The following ATE1 variants were observed in gnomAD, a reference collection of about 807,000 sequenced individuals.
ATE1 encodes the protein arginyltransferase 1.
ATE1 carries 36 observed loss-of-function variants against 70.5 expected under a neutral mutation model. The observed-to-expected ratio is 0.51, with a 90% CI of 0.39 to 0.67. ATE1 has a LOEUF of 0.67. ATE1 is among the 30% of genes least tolerant of loss of function. ATE1 has a pLI of 0.00. For missense variants in ATE1, 593 were observed against 629.5 expected, an observed-to-expected ratio of 0.94 and a Z score of 0.62; for synonymous variants, 232 against 219.3, an observed-to-expected ratio of 1.06 and a Z score of -0.51.
At chr10:121,923,816 A>C (rs1238113985) in intron 2 of ATE1, among the ~76,000 whole-genome samples, 2 of 152,236 alleles carry the variant, frequency 1.3e-5, no homozygotes, top group Non-Finnish European at 2.9e-5. Flanking sequence ...AGTAGGTAAC[A>C]GGTAACATCA....
rs1036285626 is a variant in ATE1 at position 121,927,718 on chromosome 10, C to A, written c.106+126G>T. ...CGGCGCCGCGGCCCTCCCGAGAGTGCCCCCTCCGTCTCGGCCGTGGCACTG... is the reference window on the plus strand; with the variant it reads ...CGGCGCCGCGGCCCTCCCGAGAGTGACCCCTCCGTCTCGGCCGTGGCACTG... On this transcript the variant is annotated intron_variant, in intron 1 of 11. Coordinates refer to ENST00000224652, the MANE Select transcript of ATE1 (RefSeq NM_001001976.3). 3.7e-6 allele frequency: 5 copies of A among 1,346,678 alleles called. No homozygotes were observed. The African/African-American group carries it at 4.7e-5, about 13-fold the overall frequency. 83.4% of individuals were successfully genotyped at this position (1,346,678 alleles called of 1,614,324 possible). A position where few individuals can be genotyped will look rare whatever the true frequency, so the allele number is the denominator to read the frequency against.
chr10:121,753,171 T>C lies in ATE1; in HGVS notation c.1379-9313A>G, dbSNP rs11200131. On this transcript the variant is annotated intron_variant, in intron 11 of 11. Coordinates refer to ENST00000224652, the MANE Select transcript of ATE1 (RefSeq NM_001001976.3). The stretch of plus-strand genomic sequence containing the variant: ...GTTTAAGTGTGTAGGATAAAATTGA[T>C]TTCTGTGTATGCTGAACTCATTTTA... Among the ~76,000 whole-genome samples the C allele has an allele frequency of 5.8e-3, 883 of 152,342 alleles. 15 individuals carry two copies. The highest frequency in any genetic ancestry group is 0.039 in the East Asian group (205 of 5,192).
intron 7 of ATE1, among the ~76,000 whole-genome samples, chr10:121,885,174 T>C (rs937694539): frequency 4.1e-5 from 6 of 148,090 alleles, no homozygotes; most frequent in South Asian, 2.1e-4. Context: ...GGCACAAGAA[T>C]TGCTTGAACC....
At chr10:121,791,061 TG>T (rs2133282302) in intron 10 of ATE1, among the ~76,000 whole-genome samples, 1 of 56,046 alleles carries the variant, frequency 1.8e-5, no homozygotes, top group African/African-American at 4.5e-5. Context: ...TATACGTGTG[TG>T]TGTGTGTGTG....
chr10:121,913,708 C>T (rs935741225), intron 4 of ATE1, 82 bp downstream of exon 4: 1 of 912,624 alleles, frequency 1.1e-6, no homozygotes, highest in African/African-American at 1.7e-5. Context: ...GTATTAATGA[C>T]CCTTCCCCTT....
At chr10:121,809,718 A>C (rs1194895556) in intron 10 of ATE1, among the ~76,000 whole-genome samples, 1 of 152,008 alleles carries the variant, frequency 6.6e-6, no homozygotes, top group East Asian at 1.9e-4. Flanking sequence ...TCCAAAAGGC[A>C]CTTAGGGACT....
chr10:121,906,840 C>A (rs897230768), intron 5 of ATE1, among the ~76,000 whole-genome samples: 1 of 152,102 alleles, frequency 6.6e-6, no homozygotes, highest in Non-Finnish European at 1.5e-5. Context: ...CTCAGGTGAT[C>A]CGCCTGTCTC....
At chr10:121,927,781 G>C (rs2134684290) in intron 1 of ATE1, 63 bp downstream of exon 1, 2 of 1,503,118 alleles carry the variant, frequency 1.3e-6, no homozygotes, top group Middle Eastern at 2.4e-4. Flanking sequence ...CCTCGCTGGG[G>C]GACCCTGGGA....
At chr10:121,757,824 A>C (rs929599792) in intron 11 of ATE1, among the ~76,000 whole-genome samples, 10 of 152,204 alleles carry the variant, frequency 6.6e-5, no homozygotes, top group Admixed American at 6.5e-4. Flanking sequence ...AACCATACAA[A>C]AATGCTAGTG....
intron 8 of ATE1, among the ~76,000 whole-genome samples, chr10:121,865,675 T>C (rs10510102): frequency 0.17 from 26,204 of 152,084 alleles, 2,264 homozygotes; most frequent in East Asian, 0.19. Flanking sequence ...AATGGAAATA[T>C]GTTGCCTGAC....
intron 10 of ATE1, among the ~76,000 whole-genome samples, chr10:121,815,890 C>A (rs923602495): frequency 2.6e-5 from 4 of 152,144 alleles, no homozygotes; most frequent in African/African-American, 9.7e-5. Context: ...GGATGTTTGG[C>A]AGCATCCTGA....
At chr10:121,927,629 G>C (rs1459557828) in intron 1 of ATE1, 1 of 947,758 alleles carries the variant, frequency 1.1e-6, no homozygotes, top group African/African-American at 1.8e-5. Context: ...CCACGATTTC[G>C]AGAGTACGGG....
chr10:121,876,827 G>A (rs1023677595), intron 7 of ATE1, among the ~76,000 whole-genome samples: 14 of 151,996 alleles, frequency 9.2e-5, no homozygotes, highest in Admixed American at 6.6e-4. Context: ...TTAGCCGGGC[G>A]TGGTGGCGGG....
At chr10:121,805,625 T>A (rs993628666) in intron 10 of ATE1, among the ~76,000 whole-genome samples, 3 of 152,222 alleles carry the variant, frequency 2.0e-5, no homozygotes, top group African/African-American at 7.2e-5. Flanking sequence ...TTAAATTGTA[T>A]AAAGAAATGT....
intron 7 of ATE1, chr10:121,898,763 C>T: frequency 6.5e-7 from 1 of 1,527,428 alleles, no homozygotes; most frequent in Non-Finnish European, 8.9e-7. Flanking sequence ...TCATCAGCTC[C>T]ACCTGACAAG....
intron 7 of ATE1, among the ~76,000 whole-genome samples, chr10:121,879,500 T>C (rs1205839123): frequency 2.0e-5 from 3 of 152,212 alleles, no homozygotes; most frequent in Non-Finnish European, 2.9e-5. Context: ...CTATGCTACA[T>C]CCTCAGTCCA....
chr10:121,804,527 T>C (rs367851048), intron 10 of ATE1, among the ~76,000 whole-genome samples: 23 of 152,278 alleles, frequency 1.5e-4, no homozygotes, highest in East Asian at 5.8e-4. Flanking sequence ...TTTTGACAAG[T>C]TACTATTACG....
chr10:121,839,855 G>A (rs192969450), intron 9 of ATE1, among the ~76,000 whole-genome samples: 117 of 152,248 alleles, frequency 7.7e-4, no homozygotes, highest in African/African-American at 2.7e-3. Context: ...CTGATTTAAT[G>A]AAAAATTTCA....
intron 11 of ATE1, among the ~76,000 whole-genome samples, chr10:121,779,689 G>A (rs1945899999): frequency 6.6e-6 from 1 of 152,048 alleles, no homozygotes; most frequent in Admixed American, 6.5e-5. Flanking sequence ...TTCTGAAAAT[G>A]CTCAAACCTC....
Sources: gnomAD v4.1 joint callset for allele counts (sites outside exome capture counted in the v4.1 genomes callset) on GRCh38, gnomAD v4.1.1 for gene constraint, MANE v1.5 for transcripts, NCBI Gene and HGNC (gene_info 2026-07-23, HGNC 2026-07-21) for gene names.